Variants in STXBP5L observed in about 807,000 individuals in gnomAD.
STXBP5L encodes syntaxin binding protein 5L.
A neutral mutation model predicts 144.5 loss-of-function variants in STXBP5L; 65 were observed. The observed-to-expected ratio is 0.45, with a 90% CI of 0.37 to 0.55. STXBP5L has a LOEUF of 0.55. STXBP5L is among the 20% of genes least tolerant of loss of function. STXBP5L has a pLI of 0.00. For missense variants in STXBP5L, 1,298 were observed against 1,405.5 expected (o/e 0.92, Z 1.22); for synonymous variants, 505 against 469.6 (o/e 1.08, Z -0.97).
At position 121,246,080 on chromosome 3, in the gene STXBP5L, G is replaced by A. The variant is rs1205729737; in HGVS notation, c.1401-4643G>A. On this transcript the variant is annotated intron_variant, in intron 14 of 26. Coordinates refer to ENST00000471454, the MANE Select transcript of STXBP5L (RefSeq NM_001308330.2). Reference sequence around the variant, plus strand: ...GGCTGCAGACCAGTACCAGTCCATGGCCTGTTAGGAACTAGGCCACACAGC... The same window carrying A: ...GGCTGCAGACCAGTACCAGTCCATGACCTGTTAGGAACTAGGCCACACAGC... Among the ~76,000 whole-genome samples, 3 of 152,150 alleles carry A rather than the reference G, an allele frequency of 2.0e-5. No individual in the cohort carries two copies. The East Asian group carries it at 5.8e-4, about 29-fold the overall frequency.
At chr3:121,388,527 G>C (rs1457694651) in intron 22 of STXBP5L, among the ~76,000 whole-genome samples, 1 of 152,122 alleles carries the variant, frequency 6.6e-6, no homozygotes, top group Admixed American at 6.6e-5. Context: ...TTGGCTGTGG[G>C]TTTGTCATAA....
chr3:121,383,618 G>A (rs1409458285), intron 22 of STXBP5L, among the ~76,000 whole-genome samples: 3 of 151,996 alleles, frequency 2.0e-5, no homozygotes, highest in Admixed American at 1.3e-4. Flanking sequence ...TGTTTGTTCT[G>A]TAATTAACCA....
intron 3 of STXBP5L, among the ~76,000 whole-genome samples, chr3:120,961,612 TTTATGGCTAC>T (rs1337508380): frequency 7.2e-5 from 11 of 152,254 alleles, no homozygotes; most frequent in Non-Finnish European, 2.9e-5. Context: ...CTCATCCTTT[TTTATGGCTAC>T]ATAGTATTCC....
At chr3:121,373,546 G>A (rs1285232790) in intron 20 of STXBP5L, among the ~76,000 whole-genome samples, 1 of 152,192 alleles carries the variant, frequency 6.6e-6, no homozygotes, top group Non-Finnish European at 1.5e-5. Context: ...CCAGAAGGCT[G>A]TAGTGTTGCT....
chr3:121,311,655 A>C (rs2043533568), intron 19 of STXBP5L, among the ~76,000 whole-genome samples: 1 of 152,216 alleles, frequency 6.6e-6, no homozygotes, highest in Admixed American at 6.5e-5. Context: ...GGACCTCTTC[A>C]AGGAGAACTA....
At chr3:121,037,966 G>A (rs563325177) in intron 3 of STXBP5L, among the ~76,000 whole-genome samples, 43 of 151,894 alleles carry the variant, frequency 2.8e-4, no homozygotes, top group African/African-American at 8.9e-4. Context: ...TTTGTTTGTT[G>A]TCTTTTTAAT....
At chr3:121,081,745 T>C (rs2042257455) in intron 5 of STXBP5L, among the ~76,000 whole-genome samples, 1 of 152,240 alleles carries the variant, frequency 6.6e-6, no homozygotes, top group African/African-American at 2.4e-5. Context: ...GGAGACATAC[T>C]ACCAATGGTG....
At chr3:121,085,726 A>G (rs1304881251) in intron 5 of STXBP5L, among the ~76,000 whole-genome samples, 1 of 152,244 alleles carries the variant, frequency 6.6e-6, no homozygotes, top group African/African-American at 2.4e-5. Context: ...AAGGATCAAT[A>G]TTATGAAAAT....
At chr3:120,913,288 G>A (rs916651484) in intron 2 of STXBP5L, among the ~76,000 whole-genome samples, 3 of 151,652 alleles carry the variant, frequency 2.0e-5, no homozygotes, top group African/African-American at 7.3e-5. Flanking sequence ...TCTTAACTCT[G>A]GTGTCTAAAA....
At chr3:121,104,324 A>G (rs2043581947) in intron 5 of STXBP5L, among the ~76,000 whole-genome samples, 1 of 152,226 alleles carries the variant, frequency 6.6e-6, no homozygotes, top group African/African-American at 2.4e-5. Flanking sequence ...CACACTGCCA[A>G]AAATAATCTA....
At chr3:121,160,138 T>A (rs1467290950) in intron 9 of STXBP5L, among the ~76,000 whole-genome samples, 1 of 152,216 alleles carries the variant, frequency 6.6e-6, no homozygotes, top group African/African-American at 2.4e-5. Flanking sequence ...TAGTTGATGG[T>A]GTTTTCCAGA....
chr3:121,199,479 C>G (rs1237035212), intron 9 of STXBP5L, among the ~76,000 whole-genome samples: 1 of 152,156 alleles, frequency 6.6e-6, no homozygotes, highest in Non-Finnish European at 1.5e-5. Flanking sequence ...TCATTTCTTT[C>G]TCTTGCCTGA....
At chr3:120,935,341 A>G (rs1179572766) in intron 2 of STXBP5L, among the ~76,000 whole-genome samples, 3 of 151,644 alleles carry the variant, frequency 2.0e-5, no homozygotes, top group Admixed American at 6.6e-5. Flanking sequence ...TTACTTATCC[A>G]TAGGTTATAA....
intron 19 of STXBP5L, among the ~76,000 whole-genome samples, chr3:121,317,723 A>G (rs2043831596): frequency 6.6e-6 from 1 of 152,180 alleles, no homozygotes. Flanking sequence ...AGAATTATAA[A>G]ATGTTTATTA....
rs73185421 is a variant in STXBP5L, at chr3:120,922,278, G to A, written c.189+12511G>A. Among the ~76,000 whole-genome samples the A allele has an allele frequency of 2.3e-3, 347 of 151,988 alleles. 3 individuals carry two copies. The highest frequency in any genetic ancestry group is 0.015 in the South Asian group (74 of 4,816). On this transcript the variant is annotated intron_variant, in intron 2 of 26. Transcript: ENST00000471454. ...TTTGTTCAGATTGTTCACTGTTGGC[G>A]CATGTAAATGCTCCTGATTTTTTTG...
intron 6 of STXBP5L, among the ~76,000 whole-genome samples, chr3:121,116,309 A>T (rs1343331467): frequency 6.6e-6 from 1 of 152,098 alleles, no homozygotes; most frequent in Non-Finnish European, 1.5e-5. Flanking sequence ...GACGCTGGAA[A>T]TAAATATTTT....
At chr3:121,315,126 C>A (rs1452156546) in intron 19 of STXBP5L, among the ~76,000 whole-genome samples, 1 of 152,056 alleles carries the variant, frequency 6.6e-6, no homozygotes, top group East Asian at 1.9e-4. Context: ...CCAGCCATCC[C>A]ATTACTGGGT....
At chr3:121,185,121 A>C (rs2047321719) in intron 9 of STXBP5L, among the ~76,000 whole-genome samples, 1 of 152,186 alleles carries the variant, frequency 6.6e-6, no homozygotes, top group Admixed American at 6.5e-5. Context: ...GATTTTAAAG[A>C]CCATCGACAC....
chr3:121,057,680 A>T (rs943748968), intron 5 of STXBP5L, among the ~76,000 whole-genome samples: 1 of 151,980 alleles, frequency 6.6e-6, no homozygotes, highest in Non-Finnish European at 1.5e-5. Flanking sequence ...ATTATGTACT[A>T]TTCTATTTAA....
Sources: gnomAD v4.1 joint callset for allele counts (sites outside exome capture counted in the v4.1 genomes callset) on GRCh38, gnomAD v4.1.1 for gene constraint, MANE v1.5 for transcripts, NCBI Gene and HGNC (gene_info 2026-07-23, HGNC 2026-07-21) for gene names.